Variants in RBMS3 observed in about 807,000 individuals in gnomAD.
RBMS3 encodes the protein RNA-binding motif, single-stranded-interacting protein 3.
A neutral mutation model predicts 66.8 loss-of-function variants in RBMS3; 27 were observed. The ratio of observed to expected loss-of-function variants is 0.40; its 90% CI spans 0.30 to 0.56. The LOEUF (loss-of-function observed/expected upper bound fraction) is 0.56. Ranked by LOEUF, RBMS3 falls within the 20% of genes least tolerant of loss-of-function variation. The pLI is 0.40. For synonymous variants in RBMS3, 188 were observed against 183.0 expected (o/e 1.03, Z -0.22); for missense variants, 513 against 549.5 (o/e 0.93, Z 0.66).
chr3:29,756,859 G>A (rs1246618494), intron 5 of RBMS3, among the ~76,000 whole-genome samples: 2 of 152,196 alleles, frequency 1.3e-5, no homozygotes, highest in Non-Finnish European at 2.9e-5. Context: ...ATCAGGGAAG[G>A]AGTGTGTAGC....
intron 13 of RBMS3, among the ~76,000 whole-genome samples, chr3:29,988,913 C>A (rs1698625567): frequency 6.6e-6 from 1 of 152,210 alleles, no homozygotes; most frequent in Non-Finnish European, 1.5e-5. Context: ...GACTAATGCA[C>A]TGGTTCTCAA....
chr3:29,509,838 A>G (rs1188350793), intron 3 of RBMS3, among the ~76,000 whole-genome samples: 2 of 152,238 alleles, frequency 1.3e-5, no homozygotes, highest in Non-Finnish European at 1.5e-5. Flanking sequence ...CAGAACAACA[A>G]CAAAGGACTG....
chr3:29,858,181 T>C (rs12634360), intron 6 of RBMS3, among the ~76,000 whole-genome samples: 70,348 of 151,986 alleles, frequency 0.46, 17,046 homozygotes, highest in African/African-American at 0.6. Flanking sequence ...AATTTACTAA[T>C]TTTTTACATG....
chr3:29,747,618 T>A lies in RBMS3; in HGVS notation c.557+7741T>A, dbSNP rs1019875384. Reference sequence around the variant, plus strand: ...ATTTTTGCTCCTTAGTTCAACTAAATCTGGGTTCTTTTCTCATGACCAGGA... The same window carrying A: ...ATTTTTGCTCCTTAGTTCAACTAAAACTGGGTTCTTTTCTCATGACCAGGA... On this transcript the variant is annotated intron_variant, in intron 5 of 14. Coordinates refer to ENST00000383767, the MANE Select transcript of RBMS3 (RefSeq NM_001003793.3). 3.3e-5 allele frequency among the ~76,000 whole-genome samples: 5 copies of A among 152,342 alleles called. No homozygotes were observed. The East Asian group carries it at 5.8e-4, about 18-fold the overall frequency.
intron 4 of RBMS3, among the ~76,000 whole-genome samples, chr3:29,674,944 A>G (rs1241610511): frequency 6.6e-6 from 1 of 152,216 alleles, no homozygotes; most frequent in African/African-American, 2.4e-5. Context: ...CTGCATTGCC[A>G]AGGCAATCCT....
At chr3:29,617,650 A>G (rs1185768789) in intron 4 of RBMS3, among the ~76,000 whole-genome samples, 1 of 152,166 alleles carries the variant, frequency 6.6e-6, no homozygotes, top group Non-Finnish European at 1.5e-5. Context: ...AGGCACTGGC[A>G]AGGTCCTAGG....
At chr3:29,812,761 A>G (rs899041448) in intron 6 of RBMS3, among the ~76,000 whole-genome samples, 3 of 152,144 alleles carry the variant, frequency 2.0e-5, no homozygotes, top group African/African-American at 7.2e-5. Context: ...GAAAGTCTAG[A>G]GCATGTATTT....
intron 4 of RBMS3, among the ~76,000 whole-genome samples, chr3:29,677,571 G>C (rs901624628): frequency 2.6e-5 from 4 of 152,022 alleles, no homozygotes; most frequent in Non-Finnish European, 5.9e-5. Flanking sequence ...ATTTTCAGGA[G>C]TATCTATTCA....
At chr3:29,361,965 G>T (rs1036677687) in intron 1 of RBMS3, among the ~76,000 whole-genome samples, 1 of 152,070 alleles carries the variant, frequency 6.6e-6, no homozygotes, top group African/African-American at 2.4e-5. Flanking sequence ...TTTTTTCAAG[G>T]TTTTTAACTT....
chr3:29,638,232 A>AT (rs55779978), intron 4 of RBMS3, among the ~76,000 whole-genome samples: 45,630 of 148,240 alleles, frequency 0.31, 7,162 homozygotes, highest in African/African-American at 0.38. Flanking sequence ...TCTTGTAGTA[A>AT]TTTTTTTTTT....
At chr3:29,939,825 A>T (rs1302651240) in intron 11 of RBMS3, among the ~76,000 whole-genome samples, 2 of 151,770 alleles carry the variant, frequency 1.3e-5, no homozygotes, top group African/African-American at 4.8e-5. Flanking sequence ...TACTAACCTC[A>T]TCTAATAATT....
intron 4 of RBMS3, among the ~76,000 whole-genome samples, chr3:29,714,077 G>T (rs570657825): frequency 2.0e-5 from 3 of 146,798 alleles, no homozygotes; most frequent in African/African-American, 7.6e-5. Context: ...GAAAAGAAAA[G>T]AAAACAAAAA....
chr3:29,425,447 G>A (rs938910444), intron 1 of RBMS3, among the ~76,000 whole-genome samples: 6 of 150,822 alleles, frequency 4.0e-5, no homozygotes, highest in African/African-American at 1.5e-4. Flanking sequence ...GTATTAGACT[G>A]TAGGAAAAAC....
intron 4 of RBMS3, among the ~76,000 whole-genome samples, chr3:29,715,718 A>G (rs1284408391): frequency 3.3e-5 from 5 of 152,122 alleles, no homozygotes; most frequent in African/African-American, 1.2e-4. Flanking sequence ...ACCAATCTCA[A>G]TGTCAGAGGT....
intron 2 of RBMS3, among the ~76,000 whole-genome samples, chr3:29,460,103 C>T (rs1454010506): frequency 6.6e-6 from 1 of 152,180 alleles, no homozygotes; most frequent in Admixed American, 6.5e-5. Flanking sequence ...AGCATAACAG[C>T]CTTGCAAATA....
intron 14 of RBMS3, among the ~76,000 whole-genome samples, chr3:29,991,949 A>AAATC (rs1698906167): frequency 6.6e-6 from 1 of 152,202 alleles, no homozygotes; most frequent in Non-Finnish European, 1.5e-5. Flanking sequence ...GAAAATCCTT[A>AAATC]AATCACTCAT....
intron 1 of RBMS3, among the ~76,000 whole-genome samples, chr3:29,354,900 TA>T (rs78992646): frequency 0.068 from 10,290 of 152,220 alleles, 405 homozygotes; most frequent in African/African-American, 0.099. Context: ...TCAACTATAT[TA>T]ACCTTACTTA....
intron 1 of RBMS3, among the ~76,000 whole-genome samples, chr3:29,321,709 T>C (rs1175157558): frequency 6.6e-6 from 1 of 152,120 alleles, no homozygotes; most frequent in Non-Finnish European, 1.5e-5. Context: ...AGCTCCTTCA[T>C]CAATCCAAAT....
At chr3:29,578,864 C>G (rs1195291603) in intron 3 of RBMS3, among the ~76,000 whole-genome samples, 1 of 125,810 alleles carries the variant, frequency 7.9e-6, no homozygotes, top group Non-Finnish European at 1.6e-5. Flanking sequence ...TGCAGTGGCG[C>G]AATCTCGGCT....
Sources: allele counts gnomAD v4.1 joint callset (sites outside exome capture counted in the v4.1 genomes callset), GRCh38; gene constraint gnomAD v4.1.1; transcripts MANE v1.5; gene names NCBI Gene and HGNC (gene_info 2026-07-23, HGNC 2026-07-21).